The following AGO4 variants were observed in gnomAD, a reference collection of about 807,000 sequenced individuals.
AGO4 encodes the protein argonaute RISC component 4, also known as protein argonaute-4.
A neutral mutation model predicts 104.7 loss-of-function variants in AGO4; 33 were observed. The observed-to-expected ratio is 0.32, with a 90% CI of 0.24 to 0.42. The LOEUF is 0.42. AGO4 is among the 10% of genes least tolerant of loss of function. The pLI, the probability that AGO4 is intolerant of heterozygous loss-of-function variation, is 1.00. For synonymous variants in AGO4, 331 were observed against 364.7 expected, an observed-to-expected ratio of 0.91 and a Z score of 1.05; for missense variants, 711 against 1,083.4, an observed-to-expected ratio of 0.66 and a Z score of 4.83.
chr1:35,840,350 C>T (rs1644410173), intron 13 of AGO4, among the ~76,000 whole-genome samples: 1 of 152,094 alleles, frequency 6.6e-6, no homozygotes, highest in African/African-American at 2.4e-5. Flanking sequence ...TTAGTAGAGA[C>T]AGGGTTTCAC....
At chr1:35,842,928 C>A (rs1644480157) in intron 15 of AGO4, among the ~76,000 whole-genome samples, 1 of 152,176 alleles carries the variant, frequency 6.6e-6, no homozygotes, top group Non-Finnish European at 1.5e-5. Flanking sequence ...TTTACTTCAT[C>A]TTGTCCAGGC....
intron 13 of AGO4, among the ~76,000 whole-genome samples, chr1:35,838,881 A>G (rs1247692706): frequency 6.6e-6 from 1 of 152,006 alleles, no homozygotes; most frequent in Non-Finnish European, 1.5e-5. Context: ...TGAAGATGAA[A>G]TTGAGTGCCT....
rs771299796 is a variant in AGO4, at chr1:35,822,871, A to T, written c.195A>T (p.Val65=). 6.2e-7 allele frequency: 1 copy of T among 1,614,090 alleles called. No homozygotes were observed. The highest frequency in any genetic ancestry group is 1.1e-5 in the South Asian group (1 of 91,084). ...CTCCATTACTGTGAAGGGAGGTAGT[A>T]GATACAATGGTGCGGCACTTCAAGA... ...KRPRRVNREV[V]DTMVRHFKMQ... is the part of the protein sequence containing the mutation. The change falls in exon 3 of 18, where the codon GTA becomes GTT. Residue 65 remains valine, a synonymous_variant. Coordinates refer to ENST00000373210, the MANE Select transcript of AGO4 (RefSeq NM_017629.4).
chr1:35,843,848 G>A lies in AGO4; in HGVS notation c.2175+2098G>A, dbSNP rs536879131. On this transcript the variant is annotated intron_variant, in intron 15 of 17. Transcript: ENST00000373210. ...CTTGTCTTCCTAAACTATCTATTAA[G>A]CTATTATTAAGCTATCTCATAGTTT... Among the ~76,000 whole-genome samples the A allele has an allele frequency of 3.3e-5, 5 of 152,154 alleles. No individual in the cohort carries two copies. The South Asian group carries it at 1.0e-3, about 32-fold the overall frequency.
chr1:35,842,652 A>G (rs1288932928), intron 15 of AGO4, among the ~76,000 whole-genome samples: 5 of 152,054 alleles, frequency 3.3e-5, no homozygotes, highest in Admixed American at 6.5e-5. Flanking sequence ...AAATACAAAA[A>G]TTAGCTGGGC....
At chr1:35,808,005 GGC>G (rs1643348559), upstream of AGO4, among the ~76,000 whole-genome samples, 1 of 150,820 alleles carries the variant, frequency 6.6e-6, no homozygotes, top group Non-Finnish European at 1.5e-5. The surrounding 1 kb of genome is among the most constrained non-coding windows in gnomAD (Gnocchi z 5.2). Context: ...GCACCCTCCG[GGC>G]GCGCGCTCGT....
At chr1:35,835,804 C>T in intron 12 of AGO4, 30 bp from the exon 13 acceptor site, 1 of 1,548,860 alleles carries the variant, frequency 6.5e-7, no homozygotes, top group South Asian at 1.2e-5. Flanking sequence ...ACCATTTAAA[C>T]ATGTTAAAAT....
intron 12 of AGO4, among the ~76,000 whole-genome samples, chr1:35,835,397 A>G (rs1428510622): frequency 6.6e-6 from 1 of 152,160 alleles, no homozygotes; most frequent in Non-Finnish European, 1.5e-5. Flanking sequence ...CCTTCTCTCT[A>G]CAGTTATCTC....
At position 35,825,715 on chromosome 1, in the gene AGO4, G is replaced by A. The variant is rs535953094; in HGVS notation, c.525G>A (p.Pro175=). 4.6e-5 allele frequency: 73 copies of A among 1,580,556 alleles called. No individual in the cohort carries two copies. The African/African-American group carries it at 5.6e-4, about 12-fold the overall frequency. ...TGGGCCGTTCCTTTTTCTCACCCCCGGAAGGTTACTACCACCCTCTGGGAG... is the reference window on the plus strand; with the variant it reads ...TGGGCCGTTCCTTTTTCTCACCCCCAGAAGGTTACTACCACCCTCTGGGAG... ...TPVGRSFFSP[P]EGYYHPLGGG... is the part of the protein sequence containing the mutation. Residue 175 remains proline, a synonymous_variant, in exon 5 of 18, where the codon CCG becomes CCA. Coordinates refer to ENST00000373210, the MANE Select transcript of AGO4 (RefSeq NM_017629.4).
intron 1 of AGO4, among the ~76,000 whole-genome samples, chr1:35,811,465 A>C (rs995071532): frequency 3.3e-5 from 5 of 150,116 alleles, no homozygotes; most frequent in African/African-American, 1.3e-4. Flanking sequence ...CCATCCAAAA[A>C]AAAACAAAAA....
chr1:35,828,712 G>C (rs190588869), intron 7 of AGO4, among the ~76,000 whole-genome samples: 88 of 152,086 alleles, frequency 5.8e-4, no homozygotes, highest in Admixed American at 5.6e-3. Context: ...GTAGAGACAG[G>C]GTTCCTCTAT....
chr1:35,823,498 G>A (rs550196856), intron 3 of AGO4, among the ~76,000 whole-genome samples: 33 of 152,080 alleles, frequency 2.2e-4, no homozygotes, highest in Non-Finnish European at 1.5e-4. Flanking sequence ...CGATCTCGGC[G>A]CAGTGCAACT....
At position 35,832,057 on chromosome 1, in the gene AGO4, G is replaced by A. The variant is rs1287028108; in HGVS notation, c.1117G>A (p.Val373Met). The change falls in exon 10 of 18, where the codon GTG becomes ATG. Residue 373 changes from valine (V) to methionine (M), a missense_variant and splice_region_variant. This residue lies in a region of AGO4 where 401 missense variants were observed against 665.5 expected (regional missense o/e 0.60). Coordinates refer to ENST00000373210, the MANE Select transcript of AGO4 (RefSeq NM_017629.4). The part of the protein sequence containing the change: ...PDRQEEISRL[V>M]KSNSMVGGPD... ...ATATGCAGGCTTTCCTGTTCTTTAGGTGAAGAGCAACAGTATGGTGGGTGG... is the reference window on the plus strand; with the variant it reads ...ATATGCAGGCTTTCCTGTTCTTTAGATGAAGAGCAACAGTATGGTGGGTGG... The A allele has an allele frequency of 6.2e-7, 1 of 1,610,722 alleles. No homozygotes were observed. The highest frequency in any genetic ancestry group is 1.3e-5 in the African/African-American group (1 of 74,686).
chr1:35,827,781 G>A (rs1404886085), intron 7 of AGO4, among the ~76,000 whole-genome samples: 1 of 130,012 alleles, frequency 7.7e-6, no homozygotes, highest in African/African-American at 2.8e-5. Flanking sequence ...TTATTATACT[G>A]TTGTTATTCT....
intron 15 of AGO4, among the ~76,000 whole-genome samples, chr1:35,842,741 G>T (rs958055741): frequency 1.3e-5 from 2 of 152,078 alleles, no homozygotes; most frequent in African/African-American, 2.4e-5. Flanking sequence ...GCCAGAGGTT[G>T]CAGTGAGCCG....
At chr1:35,836,083 A>G in intron 13 of AGO4, 90 bp downstream of exon 13, 1 of 1,390,800 alleles carries the variant, frequency 7.2e-7, no homozygotes, top group Non-Finnish European at 9.8e-7. Context: ...ATGCATCTAG[A>G]TTACCTTTTC....
chr1:35,827,100 G>A (rs1173942816), intron 7 of AGO4, among the ~76,000 whole-genome samples: 1 of 152,020 alleles, frequency 6.6e-6, no homozygotes, highest in Non-Finnish European at 1.5e-5. Context: ...TACTCGGGAG[G>A]CTGAGGCAGA....
rs1411603090 is a variant in AGO4 at position 35,857,322 on chromosome 1, G to A, written c.*3717G>A. The A allele has an allele frequency of 6.6e-6, 1 of 152,218 alleles. No individual in the cohort carries two copies. The highest frequency in any genetic ancestry group is 1.9e-4 in the East Asian group (1 of 5,202). The allele number at this position is 152,218 out of a possible 1,614,324, so 9.4% of individuals were successfully genotyped here. On this transcript the variant is annotated 3_prime_UTR_variant, in exon 18 of 18. Transcript: ENST00000373210. ...GTTTTCCTTGTAAAATTAAAGGAAA[G>A]ATCTTGTTATTGATTAACCATTTTC...
intron 3 of AGO4, among the ~76,000 whole-genome samples, chr1:35,823,924 C>G (rs775311903): frequency 3.9e-5 from 6 of 151,916 alleles, no homozygotes; most frequent in Non-Finnish European, 8.8e-5. Flanking sequence ...TTATTCTGTC[C>G]ATATTCTCTT....
Sources: allele counts gnomAD v4.1 joint callset (sites outside exome capture counted in the v4.1 genomes callset), GRCh38; gene constraint gnomAD v4.1.1; regional missense constraint gnomAD v4.1.1; non-coding constraint Gnocchi (gnomAD v3.1); transcripts MANE v1.5; gene names NCBI Gene and HGNC (gene_info 2026-07-23, HGNC 2026-07-21).